MMS19: variants seen among roughly 807,000 people sequenced by gnomAD.
MMS19 encodes MMS19 cytosolic iron-sulfur assembly component, also known as MMS19 nucleotide excision repair protein homolog.
Under a neutral mutation model 129.8 loss-of-function variants are expected in MMS19, and 77 were observed. The ratio of observed to expected loss-of-function variants is 0.59; its 90% confidence interval spans 0.49 to 0.72. The LOEUF (loss-of-function observed/expected upper bound fraction) is 0.72. Ranked by LOEUF, MMS19 falls within the 30% of genes least tolerant of loss-of-function variation. The pLI is 0.00. For missense variants in MMS19, 1,168 were observed against 1,266.3 expected (o/e 0.92, Z 1.18); for synonymous variants, 491 against 502.8 (o/e 0.98, Z 0.31).
rs761341063 is a variant in MMS19 at position 97,460,161 on chromosome 10, G to C, written c.2541C>G (p.Asp847Glu). Residue 847 changes from aspartate to glutamate, a missense_variant, in exon 26 of 31, where the codon GAC (aspartate) becomes GAG (glutamate). Transcript: ENST00000438925. ...CAGCACGAGTCAGCACATCAGTGCA[G>C]TCAGACATGAGCAGAGAGAAGCCAT... ...AADGFSLLMSDCTDVLTRAGH... is the reference protein window; with the variant it reads ...AADGFSLLMSECTDVLTRAGH... The C allele has an allele frequency of 3.7e-6, 6 of 1,613,904 alleles. No individual in the cohort carries two copies. The South Asian group carries it at 6.6e-5, about 18-fold the overall frequency.
chr10:97,476,717 A>G lies in MMS19; in HGVS notation c.650T>C (p.Val217Ala), dbSNP rs1407084480. 6.2e-7 allele frequency: 1 copy of G among 1,613,968 alleles called. No homozygotes were observed. ...LGPFVEELFE[V>A]TSCYFPIDFT... is the part of the protein sequence containing the mutation. ...ATCGATAGGGAAATAACAGGATGTCACTTCAAACAACTCCTCCACAAAGGG... is the reference window on the plus strand; with the variant it reads ...ATCGATAGGGAAATAACAGGATGTCGCTTCAAACAACTCCTCCACAAAGGG... The change falls in exon 8 of 31, where the codon GTG (valine) becomes GCG (alanine). Residue 217 changes from valine (V) to alanine (A), a missense_variant. By Grantham distance (64) the Val-to-Ala change is moderately conservative. Transcript: ENST00000438925.
intron 1 of MMS19, among the ~76,000 whole-genome samples, chr10:97,497,853 G>A (rs750493694): frequency 1.3e-5 from 2 of 152,102 alleles, no homozygotes; most frequent in African/African-American, 4.8e-5. Context: ...CCACGCGACG[G>A]GAGCGGACGC....
intron 8 of MMS19, among the ~76,000 whole-genome samples, chr10:97,474,517 C>T (rs2035375086): frequency 6.6e-6 from 1 of 152,168 alleles, no homozygotes; most frequent in South Asian, 2.1e-4. Context: ...TACTGCACTC[C>T]AGCCTGGGCA....
At chr10:97,472,123 G>A (rs772645215) in intron 8 of MMS19, among the ~76,000 whole-genome samples, 1 of 152,198 alleles carries the variant, frequency 6.6e-6, no homozygotes, top group Non-Finnish European at 1.5e-5. Flanking sequence ...AAGTTTCAAT[G>A]TATCGGGGTG....
Position 97,462,665 on chromosome 10 carries a change from G to A in MMS19, c.1930C>T (p.Leu644=). 6.2e-7 allele frequency: 1 copy of A among 1,613,786 alleles called. No homozygotes were observed. The change falls in exon 20 of 31, where the codon CTG becomes TTG. Residue 644 remains leucine, a synonymous_variant. Transcript: ENST00000438925. ...ASMPEKEPSV[L]RKVLLEDEVL... ...TCATCCTCCAATAGTACTTTTCTCA[G>A]AACTGAGGGCTCCTTCTCTGCAAAA...
chr10:97,464,150 T>C lies in MMS19; in HGVS notation c.1757-137A>G, dbSNP rs1382111212. The C allele has an allele frequency of 1.8e-5, 13 of 731,412 alleles. No homozygotes were observed. In the East Asian group the frequency reaches 3.0e-4, roughly 17 times the overall value. The allele number at this position is 731,412 out of a possible 1,614,324, so 45.3% of individuals were successfully genotyped here. ...GCCTTATTAAAAAGCTGAGTCACTTTATTCTCCTGGCTGTTCTTTCTGATC... is the reference window on the plus strand; with the variant it reads ...GCCTTATTAAAAAGCTGAGTCACTTCATTCTCCTGGCTGTTCTTTCTGATC... On this transcript the variant is annotated intron_variant, in intron 18 of 30. Coordinates refer to ENST00000438925, the MANE Select transcript of MMS19 (RefSeq NM_022362.5).
intron 2 of MMS19, among the ~76,000 whole-genome samples, chr10:97,481,766 T>C (rs2036839138): frequency 6.6e-6 from 1 of 152,010 alleles, no homozygotes; most frequent in South Asian, 2.1e-4. Context: ...GACAGTTGTA[T>C]TGAACCTCAA....
chr10:97,466,501 C>T lies in MMS19; in HGVS notation c.1505+3G>A, dbSNP rs2033528756. The T allele has an allele frequency of 1.9e-6, 3 of 1,611,226 alleles. No homozygotes were observed. The highest frequency in any genetic ancestry group is 2.5e-6 in the Non-Finnish European group (3 of 1,177,396). On this transcript the variant is annotated splice_donor_region_variant and intron_variant, in intron 16 of 30. Coordinates refer to ENST00000438925, the MANE Select transcript of MMS19 (RefSeq NM_022362.5). ...GCTCTATCTCATTGCTTTAAATTCTCACCAACTCTGGGAATCCTCCTTCAG... is the reference window on the plus strand; with the variant it reads ...GCTCTATCTCATTGCTTTAAATTCTTACCAACTCTGGGAATCCTCCTTCAG...
chr10:97,483,960 C>A, intron 2 of MMS19, 143 bp downstream of exon 2: 1 of 592,784 alleles, frequency 1.7e-6, no homozygotes, highest in Non-Finnish European at 3.0e-6. Context: ...AACATATAGG[C>A]TTAGACTGAG....
In MMS19 at chr10:97,477,418, T is replaced by A; in HGVS notation, c.424-2A>T. 1 of 1,613,938 alleles carries A rather than the reference T, an allele frequency of 6.2e-7. No homozygotes were observed. Among genetic ancestry groups the A allele is most frequent in the Non-Finnish European group, 8.5e-7 (1 of 1,179,866 alleles). On this transcript the variant is annotated splice_acceptor_variant, in intron 5 of 30. Coordinates refer to ENST00000438925, the MANE Select transcript of MMS19 (RefSeq NM_022362.5). LOFTEE classifies it high-confidence loss of function. Reference sequence around the variant, plus strand: ...GTGTCGGTCCACCTGTGGCAGGGACTTGGGGGTGGGGGAGAAAGAAGTGAA... The same window carrying A: ...GTGTCGGTCCACCTGTGGCAGGGACATGGGGGTGGGGGAGAAAGAAGTGAA...
chr10:97,458,706 T>C lies in MMS19; in HGVS notation c.3079A>G (p.Ser1027Gly). The C allele has an allele frequency of 6.2e-7, 1 of 1,609,898 alleles. No individual in the cohort carries two copies. The highest frequency in any genetic ancestry group is 8.5e-7 in the Non-Finnish European group (1 of 1,177,928). Residue 1027 changes from serine to glycine, a missense_variant, in exon 31 of 31, where the codon AGC (serine) becomes GGC (glycine). Physicochemically the swap from Ser to Gly is moderately conservative, Grantham distance 56. Coordinates refer to ENST00000438925, the MANE Select transcript of MMS19 (RefSeq NM_022362.5). Reference sequence around the variant, plus strand: ...GGACTGAGGGCTCAGCTGCCAGGGCTCCCCAACAGAAACCTGTAGGCAAAA... The same window carrying C: ...GGACTGAGGGCTCAGCTGCCAGGGCCCCCCAACAGAAACCTGTAGGCAAAA... ...SARGEWFLLGSPGS is the reference protein window; with the variant it reads ...SARGEWFLLGGPGS
chr10:97,489,617 C>T (rs542580727), intron 1 of MMS19, among the ~76,000 whole-genome samples: 2 of 152,304 alleles, frequency 1.3e-5, no homozygotes, highest in East Asian at 3.9e-4. Flanking sequence ...ATAGTTTCTC[C>T]ACTAATGCCA....
In MMS19 at chr10:97,479,808, C is replaced by A. The variant is rs554943643; in HGVS notation, c.262+1134G>T. ...TATCCAAGTGTTATACCAACTAAAA[C>A]CCCCAATAAACCTTGAACAGTTAAG... On this transcript the variant is annotated intron_variant, in intron 3 of 30. Coordinates refer to ENST00000438925, the MANE Select transcript of MMS19 (RefSeq NM_022362.5). Among the ~76,000 whole-genome samples the A allele has an allele frequency of 4.7e-4, 71 of 151,638 alleles. No individual in the cohort carries two copies. In the South Asian group the frequency reaches 0.015, roughly 31 times the overall value.
intron 1 of MMS19, among the ~76,000 whole-genome samples, chr10:97,497,563 C>T (rs2040026031): frequency 6.6e-6 from 1 of 151,576 alleles, no homozygotes; most frequent in African/African-American, 2.4e-5. Context: ...CAGAACTCCA[C>T]GGAAGCCTGG....
At chr10:97,482,759 CACACACACAT>C (rs1170768072) in intron 2 of MMS19, among the ~76,000 whole-genome samples, 270 of 149,274 alleles carry the variant, frequency 1.8e-3, no homozygotes, top group African/African-American at 6.3e-3. Flanking sequence ...CACACACACA[CACACACACAT>C]ATATTTTTTG....
intron 1 of MMS19, among the ~76,000 whole-genome samples, chr10:97,494,702 T>C (rs576340620): frequency 2.6e-5 from 4 of 152,298 alleles, no homozygotes; most frequent in Non-Finnish European, 5.9e-5. Context: ...TGTTCAAAAA[T>C]CACATTCTCT....
intron 1 of MMS19, among the ~76,000 whole-genome samples, chr10:97,492,135 CTA>C (rs1491368180): frequency 1.3e-5 from 1 of 75,196 alleles, no homozygotes; most frequent in Non-Finnish European, 2.7e-5. Flanking sequence ...GAAACTCAAT[CTA>C]AAAAAAAAAA....
chr10:97,459,996 A>C, intron 26 of MMS19, 50 bp downstream of exon 26: 1 of 1,579,088 alleles, frequency 6.3e-7, no homozygotes, highest in Non-Finnish European at 8.7e-7. Context: ...GAATGTGGCC[A>C]AGCAAAGGAG....
At chr10:97,470,923 C>T (rs953054569) in intron 8 of MMS19, 62 bp from the exon 9 acceptor site, 79 of 1,407,824 alleles carry the variant, frequency 5.6e-5, no homozygotes, top group African/African-American at 7.1e-5. Context: ...AACACAGGCT[C>T]GAACCTGGTA....
Sources: gnomAD v4.1 joint callset for allele counts (sites outside exome capture counted in the v4.1 genomes callset) on GRCh38, gnomAD v4.1.1 for gene constraint, MANE v1.5 for transcripts, NCBI Gene and HGNC (gene_info 2026-07-23, HGNC 2026-07-21) for gene names.